The following ST8SIA6 variants were observed in gnomAD, a reference collection of about 807,000 sequenced individuals.
The protein encoded by ST8SIA6 is alpha-2,8-sialyltransferase 8F.
Under a neutral mutation model 33.6 loss-of-function variants are expected in ST8SIA6, and 39 were observed. The observed-to-expected ratio is 1.16, with a 90% CI of 0.90 to 1.52. ST8SIA6 has a LOEUF of 1.52. Among genes scored for constraint, ST8SIA6 ranks in the 40% most tolerant of loss-of-function variants. ST8SIA6 has a pLI of 0.00. For missense variants in ST8SIA6, 441 were observed against 443.8 expected (o/e 0.99, Z 0.06); for synonymous variants, 172 against 167.2 (o/e 1.03, Z -0.22).
At chr10:17,402,921 A>G (rs562562820) in intron 2 of ST8SIA6, among the ~76,000 whole-genome samples, 4 of 152,242 alleles carry the variant, frequency 2.6e-5, no homozygotes, top group Non-Finnish European at 5.9e-5. Context: ...ACTTAAAAGT[A>G]TAATAATAAA....
intron 3 of ST8SIA6, among the ~76,000 whole-genome samples, chr10:17,362,576 A>G (rs1195889262): frequency 6.6e-6 from 1 of 152,160 alleles, no homozygotes; most frequent in East Asian, 1.9e-4. Context: ...AGCCTCTCTC[A>G]TGTTAAATTT....
intron 4 of ST8SIA6, among the ~76,000 whole-genome samples, chr10:17,332,759 A>G (rs1444527037): frequency 6.6e-6 from 1 of 152,082 alleles, no homozygotes; most frequent in Admixed American, 6.5e-5. Flanking sequence ...TGCCATTCTG[A>G]TGGGCCTGAG....
chr10:17,358,721 G>C lies in ST8SIA6; in HGVS notation c.377+793C>G, dbSNP rs1222832093. On this transcript the variant is annotated intron_variant, in intron 4 of 7. Coordinates refer to ENST00000377602, the MANE Select transcript of ST8SIA6 (RefSeq NM_001004470.3). ...AGGAGGAGGAGGAGGAAAGAAGAAA[G>C]AAGAAGAGGAAGAGGAAAAAGGAGG... Among the ~76,000 whole-genome samples the C allele has an allele frequency of 2.7e-5, 2 of 73,296 alleles. 1 individual carries two copies. Among genetic ancestry groups the C allele is most frequent in the Admixed American group, 2.6e-4 (2 of 7,758 alleles). 48.1% of individuals were successfully genotyped at this position (73,296 alleles called of 152,430 possible). A position where few individuals can be genotyped will look rare whatever the true frequency, so the allele number is the denominator to read the frequency against.
At chr10:17,411,025 C>G (rs1471317656) in intron 2 of ST8SIA6, among the ~76,000 whole-genome samples, 2 of 152,132 alleles carry the variant, frequency 1.3e-5, no homozygotes, top group Non-Finnish European at 2.9e-5. Flanking sequence ...AGATGAATTT[C>G]AACAAGGAAA....
At chr10:17,419,922 AAAG>A in intron 2 of ST8SIA6, among the ~76,000 whole-genome samples, 1 of 152,344 alleles carries the variant, frequency 6.6e-6, no homozygotes, top group African/African-American at 2.4e-5. Context: ...TGCTAATTTG[AAAG>A]ATGCTTTCCT....
At chr10:17,392,408 TCCC>T (rs975583466) in intron 2 of ST8SIA6, among the ~76,000 whole-genome samples, 1 of 152,042 alleles carries the variant, frequency 6.6e-6, no homozygotes, top group Non-Finnish European at 1.5e-5. Flanking sequence ...ACACCTCTAG[TCCC>T]AGCACTTTGG....
rs771249416 is a variant in ST8SIA6, at chr10:17,453,609, C to G, written c.150G>C (p.Ala50=). Residue 50 remains alanine, a synonymous_variant, in exon 2 of 8, where the codon GCG becomes GCC. Transcript: ENST00000377602. Reference sequence around the variant, plus strand: ...TCGCCGGGCTCCGGAGCGTCCTCAGCGCTGCGGGGGTGCCGTGGGTGGCCT... The same window carrying G: ...TCGCCGGGCTCCGGAGCGTCCTCAGGGCTGCGGGGGTGCCGTGGGTGGCCT... ...SREATHGTPA[A]LRTLRSPATA... 7.5e-7 allele frequency: 1 copy of G among 1,331,616 alleles called. No homozygotes were observed. Among genetic ancestry groups the G allele is most frequent in the South Asian group, 2.7e-5 (1 of 37,642 alleles). 82.5% of individuals were successfully genotyped at this position (1,331,616 alleles called of 1,614,324 possible). A position where few individuals can be genotyped will look rare whatever the true frequency, so the allele number is the denominator to read the frequency against.
chr10:17,328,774 G>A (rs968140784), intron 5 of ST8SIA6, among the ~76,000 whole-genome samples: 3 of 152,078 alleles, frequency 2.0e-5, no homozygotes, highest in African/African-American at 7.2e-5. Context: ...TTGCAAAACC[G>A]GTATCACGGG....
At chr10:17,329,832 C>T (rs190739231) in intron 5 of ST8SIA6, among the ~76,000 whole-genome samples, 89 of 152,298 alleles carry the variant, frequency 5.8e-4, no homozygotes, top group South Asian at 3.7e-3. Context: ...GTGCACGCTC[C>T]ACTGCCTGCT....
At chr10:17,417,721 T>C (rs1448893331) in intron 2 of ST8SIA6, among the ~76,000 whole-genome samples, 1 of 152,188 alleles carries the variant, frequency 6.6e-6, no homozygotes, top group Non-Finnish European at 1.5e-5. Context: ...TTGCCTTCCC[T>C]GCTTCTCCTT....
Position 17,453,628 on chromosome 10 carries a change from G to A in ST8SIA6, c.131C>T (p.Thr44Ile). 2 of 1,325,962 alleles carry A rather than the reference G, an allele frequency of 1.5e-6. No individual in the cohort carries two copies. The highest frequency in any genetic ancestry group is 1.9e-6 in the Non-Finnish European group (2 of 1,030,496). The allele number at this position is 1,325,962 out of a possible 1,614,324, so 82.1% of individuals were successfully genotyped here. A position where few individuals can be genotyped will look rare whatever the true frequency, so the allele number is the denominator to read the frequency against. ...RILVEESREATHGTPAALRTL... is the reference protein window; with the variant it reads ...RILVEESREAIHGTPAALRTL... ...CCTCAGCGCTGCGGGGGTGCCGTGG[G>A]TGGCCTCCCTGCTTTCCTCCACCAG... is the stretch of plus-strand genomic sequence containing the variant. Residue 44 changes from threonine to isoleucine, a missense_variant, in exon 2 of 8, where the codon ACC becomes ATC. By Grantham distance (89) the Thr-to-Ile change is moderately conservative (BLOSUM62 -1). Transcript: ENST00000377602.
chr10:17,347,596 AT>A (rs1204521594), intron 4 of ST8SIA6, among the ~76,000 whole-genome samples: 1 of 152,180 alleles, frequency 6.6e-6, no homozygotes, highest in Non-Finnish European at 1.5e-5. Context: ...GGGTGCACCC[AT>A]CCGGCTGCCT....
rs1259968132 is a variant in ST8SIA6 at position 17,315,517 on chromosome 10, A to G, written c.*5361T>C. ...CAGATAAGCCAACTGTGGTCCATCC[A>G]TATAACATAATTCTACTCAGTAAAT... is the stretch of plus-strand genomic sequence containing the variant. On this transcript the variant is annotated 3_prime_UTR_variant, in exon 8 of 8. Transcript: ENST00000377602. Among the ~76,000 whole-genome samples, 2 of 152,080 alleles carry G rather than the reference A, an allele frequency of 1.3e-5. No individual in the cohort carries two copies. The highest frequency in any genetic ancestry group is 2.9e-5 in the Non-Finnish European group (2 of 67,904).
At chr10:17,340,903 CCA>C (rs1305703557) in intron 4 of ST8SIA6, among the ~76,000 whole-genome samples, 2 of 152,222 alleles carry the variant, frequency 1.3e-5, no homozygotes, top group African/African-American at 4.8e-5. Flanking sequence ...TGCCCAGCCT[CCA>C]CACACAGTCT....
chr10:17,444,250 C>G lies in ST8SIA6; in HGVS notation c.200+9309G>C, dbSNP rs143775251. Among the ~76,000 whole-genome samples, 972 of 152,254 alleles carry G rather than the reference C, an allele frequency of 6.4e-3. 7 individuals are homozygous for G. The highest frequency in any genetic ancestry group is 0.011 in the Non-Finnish European group (724 of 67,990). On this transcript the variant is annotated intron_variant, in intron 2 of 7. Coordinates refer to ENST00000377602, the MANE Select transcript of ST8SIA6 (RefSeq NM_001004470.3). The stretch of plus-strand genomic sequence containing the variant: ...GACAACGCTACCCAACTAAGGAAGT[C>G]TTGATTTTTGTTGCAGGGAAACCAC...
chr10:17,369,339 T>A (rs1393055830), intron 3 of ST8SIA6, among the ~76,000 whole-genome samples: 1 of 152,236 alleles, frequency 6.6e-6, no homozygotes, highest in Non-Finnish European at 1.5e-5. Context: ...ACTGGATATT[T>A]AGAAATGTGT....
intron 3 of ST8SIA6, among the ~76,000 whole-genome samples, chr10:17,362,654 T>C (rs1438569451): frequency 6.6e-6 from 1 of 152,168 alleles, no homozygotes; most frequent in Non-Finnish European, 1.5e-5. Flanking sequence ...ACTGACCTTT[T>C]CTAGCCCAGC....
At chr10:17,388,035 C>T (rs528827380) in intron 3 of ST8SIA6, among the ~76,000 whole-genome samples, 1 of 152,352 alleles carries the variant, frequency 6.6e-6, no homozygotes, top group South Asian at 2.1e-4. Context: ...TCAACAGACT[C>T]AGACAAAGCA....
At chr10:17,354,854 C>G (rs571006008) in intron 4 of ST8SIA6, among the ~76,000 whole-genome samples, 126 of 152,288 alleles carry the variant, frequency 8.3e-4, no homozygotes, top group African/African-American at 2.8e-3. Flanking sequence ...TGTACAAAAT[C>G]TCACAATTTT....
Sources: allele counts gnomAD v4.1 joint callset (sites outside exome capture counted in the v4.1 genomes callset), GRCh38; gene constraint gnomAD v4.1.1; transcripts MANE v1.5; gene names NCBI Gene and HGNC (gene_info 2026-07-23, HGNC 2026-07-21).